The following TTC19 variants were observed in gnomAD, a reference collection of about 807,000 sequenced individuals.
TTC19 encodes tetratricopeptide repeat domain 19.
A neutral mutation model predicts 49.5 loss-of-function variants in TTC19; 38 were observed. The observed-to-expected ratio is 0.77, with a 90% CI of 0.59 to 1.01. The LOEUF (loss-of-function observed/expected upper bound fraction) is 1.01, where lower values mean the gene tolerates loss of function less well. TTC19 is among the 50% of genes least tolerant of loss of function. The pLI, the probability that TTC19 is intolerant of heterozygous loss-of-function variation, is 0.00. For missense variants in TTC19, 475 were observed against 477.7 expected (o/e 0.99, Z 0.05); for synonymous variants, 204 against 185.2 (o/e 1.10, Z -0.83).
chr17:16,039,222 T>G, intron 2 of TTC19: 1 of 561,050 alleles, frequency 1.8e-6, no homozygotes, highest in East Asian at 3.0e-5. Context: ...GGTGACACTT[T>G]GGGTAAAAAT....
In TTC19 at chr17:16,000,119, G is replaced by T. The variant is rs758114969; in HGVS notation, c.186G>T (p.Ala62=). 1.6e-5 allele frequency: 25 copies of T among 1,554,858 alleles called. No individual in the cohort carries two copies. The South Asian group carries it at 2.7e-4, about 17-fold the overall frequency. The part of the protein sequence containing the change: ...RGPGLLPLLA[A]LAWFSRPAAA... ...TGACCTCAGAGCCCCTTCCCGCAGC[G>T]CTCGCCTGGTTCTCGAGGCCCGCTG... The change falls in exon 2 of 10, where the codon GCG becomes GCT. Residue 62 remains alanine (A), a splice_region_variant and synonymous_variant. Coordinates refer to ENST00000261647, the MANE Select transcript of TTC19 (RefSeq NM_017775.4).
chr17:16,019,517 A>G (rs1331531673), intron 7 of TTC19, among the ~76,000 whole-genome samples: 2 of 152,160 alleles, frequency 1.3e-5, no homozygotes, highest in Non-Finnish European at 2.9e-5. Context: ...GCCAAACTGC[A>G]TGTCTGCTGG....
intron 7 of TTC19, 107 bp downstream of exon 7, chr17:16,006,675 T>C: frequency 2.5e-6 from 2 of 792,082 alleles, no homozygotes; most frequent in East Asian, 2.5e-5. Context: ...AAGTTACCTA[T>C]TTTGCAAAAT....
At chr17:16,009,566 T>C (rs571521988) in intron 7 of TTC19, among the ~76,000 whole-genome samples, 1 of 152,300 alleles carries the variant, frequency 6.6e-6, no homozygotes, top group South Asian at 2.1e-4. Flanking sequence ...TAAATATTAT[T>C]TTTACATTTT....
In TTC19 at chr17:16,034,796, C is replaced by T. The variant is rs1597549303; in HGVS notation, c.247+8094C>T. 6.2e-7 allele frequency: 1 copy of T among 1,613,838 alleles called. No homozygotes were observed. The highest frequency in any genetic ancestry group is 2.2e-5 in the East Asian group (1 of 44,868). On this transcript the variant is annotated intron_variant, in intron 2 of 2. Coordinates refer to the TTC19 transcript ENST00000470649. ...AAGAGGGCCTGTCTTCCCAGGCCCA[C>T]CCTGGCGTCTGCCTATGGTAATCCC...
At chr17:16,007,271 G>GT (rs1396594244) in intron 7 of TTC19, among the ~76,000 whole-genome samples, 2 of 152,008 alleles carry the variant, frequency 1.3e-5, no homozygotes, top group Non-Finnish European at 1.5e-5. Context: ...AATACACTGT[G>GT]TTTTTTTCTT....
At position 16,015,452 on chromosome 17, in the gene TTC19, C is replaced by T. The variant is rs573019715; in HGVS notation, c.676+8884C>T. ...TAAAGCATATTTTACACTACTCTTA[C>T]GTATCTGAGATCCTCTTCCTTTTCT... On this transcript the variant is annotated intron_variant, in intron 7 of 9. Coordinates refer to ENST00000261647, the MANE Select transcript of TTC19 (RefSeq NM_017775.4). Among the ~76,000 whole-genome samples the T allele has an allele frequency of 1.8e-4, 27 of 152,236 alleles. No homozygotes were observed. The South Asian group carries it at 4.8e-3, about 27-fold the overall frequency.
exon 3 of TTC19, chr17:16,044,809 AG>A: frequency 9.1e-7 from 1 of 1,103,236 alleles, no homozygotes; most frequent in Non-Finnish European, 1.4e-6. Context: ...TCTACAATGT[AG>A]GGGCTGGTGG....
chr17:16,004,905 T>G (rs1970853566), intron 6 of TTC19, among the ~76,000 whole-genome samples: 1 of 152,236 alleles, frequency 6.6e-6, no homozygotes, highest in South Asian at 2.1e-4. Flanking sequence ...CCTTGCATTT[T>G]GATTGGACAC....
chr17:16,035,461 T>C (rs1974185396), intron 2 of TTC19, among the ~76,000 whole-genome samples: 1 of 152,056 alleles, frequency 6.6e-6, no homozygotes, highest in African/African-American at 2.4e-5. Flanking sequence ...TCCTCATCCA[T>C]TTCAAGTTTG....
chr17:15,999,937 C>T lies in TTC19; in HGVS notation c.89C>T (p.Pro30Leu), dbSNP rs1970663653. 4 of 1,333,390 alleles carry T rather than the reference C, an allele frequency of 3.0e-6. No homozygotes were observed. Among genetic ancestry groups the T allele is most frequent in the Non-Finnish European group, 2.9e-6 (3 of 1,049,540 alleles). The allele number at this position is 1,333,390 out of a possible 1,614,324, so 82.6% of individuals were successfully genotyped here. A position where few individuals can be genotyped will look rare whatever the true frequency, so the allele number is the denominator to read the frequency against. ...CGGGGCTGCTCCGCGCGCCTGCTCCCGGGGCTGGCAGGAGGTCCGGGGCCC... is the reference window on the plus strand; with the variant it reads ...CGGGGCTGCTCCGCGCGCCTGCTCCTGGGGCTGGCAGGAGGTCCGGGGCCC... ...RCRGCSARLL[P>L]GLAGGPGPEV... The change falls in exon 1 of 10, where the codon CCG becomes CTG. Residue 30 changes from proline (P) to leucine (L), a missense_variant. Coordinates refer to ENST00000261647, the MANE Select transcript of TTC19 (RefSeq NM_017775.4).
chr17:16,009,722 G>A (rs1971012256), intron 7 of TTC19, among the ~76,000 whole-genome samples: 1 of 151,870 alleles, frequency 6.6e-6, no homozygotes, highest in African/African-American at 2.4e-5. Flanking sequence ...CTCTATTCTA[G>A]GATAACATTA....
At position 16,039,745 on chromosome 17, in the gene TTC19, C is replaced by T. The variant is rs531378586; in HGVS notation, c.248-4758C>T. The T allele has an allele frequency of 7.9e-6, 9 of 1,138,304 alleles. No individual in the cohort carries two copies. The South Asian group carries it at 9.9e-5, about 13-fold the overall frequency. 70.5% of individuals were successfully genotyped at this position (1,138,304 alleles called of 1,614,324 possible). On this transcript the variant is annotated intron_variant, in intron 2 of 2. Transcript: ENST00000470649. Reference sequence around the variant, plus strand: ...GCCCCATCAGCCCACTGAATACACACAGCACTTGGCAAGTGACCTAGAACA... The same window carrying T: ...GCCCCATCAGCCCACTGAATACACATAGCACTTGGCAAGTGACCTAGAACA...
At chr17:16,006,143 C>T (rs1473594306) in intron 6 of TTC19, among the ~76,000 whole-genome samples, 3 of 152,194 alleles carry the variant, frequency 2.0e-5, no homozygotes, top group African/African-American at 7.2e-5. Flanking sequence ...GGCGCAGTGG[C>T]TCACGCCTGT....
chr17:16,019,182 A>C (rs1462313471), intron 7 of TTC19, among the ~76,000 whole-genome samples: 1 of 152,130 alleles, frequency 6.6e-6, no homozygotes, highest in Non-Finnish European at 1.5e-5. Context: ...AAAATACAAA[A>C]ATTAGCCCAA....
rs1027294653 is a variant in TTC19 at position 16,041,898 on chromosome 17, G to A, written c.248-2605G>A. Among the ~76,000 whole-genome samples the A allele has an allele frequency of 8.5e-5, 13 of 152,170 alleles. No homozygotes were observed. The East Asian group carries it at 2.1e-3, about 25-fold the overall frequency. ...ACTACAGGCGCCCGCCACTATGCCT[G>A]GCTAATTTTTTACATTTTTAGTAGA... On this transcript the variant is annotated intron_variant, in intron 2 of 2. Coordinates refer to the TTC19 transcript ENST00000470649.
Position 16,026,589 on chromosome 17 carries a change from G to A in TTC19, c.881G>A (p.Arg294His), listed in dbSNP as rs764327149. 2.0e-5 allele frequency: 33 copies of A among 1,614,002 alleles called. No homozygotes were observed. In the Admixed American group the frequency reaches 2.5e-4, roughly 12 times the overall value. ...GCTACTACCCTGGATGCACAGGGCC[G>A]CTTTGATGAGGCCTATATTTATATG... ...DLATTLDAQG[R>H]FDEAYIYMQR... The change falls in exon 9 of 10, where the codon CGC (arginine) becomes CAC (histidine). Residue 294 changes from arginine (R) to histidine (H), a missense_variant. Physicochemically the swap from Arg to His is conservative, Grantham distance 29 (BLOSUM62 0). Coordinates refer to ENST00000261647, the MANE Select transcript of TTC19 (RefSeq NM_017775.4).
chr17:16,031,313 TC>T (rs1333874572), downstream of TTC19: 1 of 190,938 alleles, frequency 5.2e-6, no homozygotes, highest in Non-Finnish European at 1.1e-5. Flanking sequence ...ACCCAACCAA[TC>T]ATATATTCAA....
At chr17:16,001,257 C>T (rs1970720097) in intron 2 of TTC19, among the ~76,000 whole-genome samples, 1 of 152,162 alleles carries the variant, frequency 6.6e-6, no homozygotes, top group African/African-American at 2.4e-5. Flanking sequence ...CTTGCAACAC[C>T]CCACATGATC....
Sources: gnomAD v4.1 joint callset for allele counts (sites outside exome capture counted in the v4.1 genomes callset) on GRCh38, gnomAD v4.1.1 for gene constraint, MANE v1.5 for transcripts, NCBI Gene and HGNC (gene_info 2026-07-23, HGNC 2026-07-21) for gene names.